KDM4D: variants seen among roughly 807,000 people sequenced by gnomAD.
The protein encoded by KDM4D is lysine demethylase 4D, also known as lysine-specific demethylase 4D.
For missense variants in KDM4D, 427 were observed against 674.8 expected (o/e 0.63, Z 4.07); for synonymous variants, 254 against 249.1 (o/e 1.02, Z -0.19).
intron 2 of KDM4D, among the ~76,000 whole-genome samples, chr11:94,977,427 A>G (rs782464650): frequency 1.9e-4 from 29 of 150,972 alleles, no homozygotes; most frequent in Middle Eastern, 3.4e-3. Context: ...TTTCATGGCT[A>G]CCTCCTTCAT....
At chr11:94,988,751 C>CTG (rs1214161839) in intron 2 of KDM4D, among the ~76,000 whole-genome samples, 1 of 152,172 alleles carries the variant, frequency 6.6e-6, no homozygotes, top group Non-Finnish European at 1.5e-5. Flanking sequence ...GCTGAAGATT[C>CTG]TGTGAGCTAC....
At chr11:94,981,110 T>C (rs1027097994) in intron 2 of KDM4D, among the ~76,000 whole-genome samples, 3 of 152,140 alleles carry the variant, frequency 2.0e-5, no homozygotes, top group Non-Finnish European at 4.4e-5. Context: ...GAATGATGAA[T>C]TGATGAATTT....
chr11:94,986,014 C>A (rs904784832), intron 2 of KDM4D, among the ~76,000 whole-genome samples: 5 of 152,072 alleles, frequency 3.3e-5, no homozygotes. Context: ...AGACACAAAG[C>A]CAAAAGCACA....
chr11:94,997,727 G>C lies in KDM4D; in HGVS notation c.355G>C (p.Glu119Gln). Residue 119 changes from glutamate to glutamine, a missense_variant, in exon 3 of 3, where the codon GAA becomes CAA. Physicochemically the swap from Glu to Gln is conservative, Grantham distance 29. Transcript: ENST00000335080. Reference protein sequence around the residue: ...KYQTPPHQNFEDLERKYWKNR... With the variant: ...KYQTPPHQNFQDLERKYWKNR... ...TCAGACTCCACCACACCAGAATTTC[G>C]AAGATTTGGAGCGAAAATACTGGAA... The C allele has an allele frequency of 6.2e-7, 1 of 1,614,240 alleles. No homozygotes were observed. The highest frequency in any genetic ancestry group is 8.5e-7 in the Non-Finnish European group (1 of 1,180,044).
intron 2 of KDM4D, among the ~76,000 whole-genome samples, chr11:94,993,907 A>G (rs963776186): frequency 3.3e-5 from 5 of 152,148 alleles, no homozygotes; most frequent in African/African-American, 4.8e-5. Context: ...CCAAAAATAT[A>G]AAGAATTTAT....
In KDM4D at chr11:94,998,981, T is replaced by G. The variant is rs782192776; in HGVS notation, c.*37T>G. 1 of 1,468,520 alleles carries G rather than the reference T, an allele frequency of 6.8e-7. No individual in the cohort carries two copies. Among genetic ancestry groups the G allele is most frequent in the Non-Finnish European group, 9.0e-7 (1 of 1,107,844 alleles). The allele number at this position is 1,468,520 out of a possible 1,614,324, so 91.0% of individuals were successfully genotyped here. Reference sequence around the variant, plus strand: ...GTCTTTATATCCCACTGCCCTGCTGTGTGACAGTTTGATGAAACTGGTTAC... The same window carrying G: ...GTCTTTATATCCCACTGCCCTGCTGGGTGACAGTTTGATGAAACTGGTTAC... On this transcript the variant is annotated 3_prime_UTR_variant, in exon 3 of 3. Coordinates refer to ENST00000335080, the MANE Select transcript of KDM4D (RefSeq NM_018039.3). The surrounding 1 kb of genome is among the most constrained non-coding windows in gnomAD (Gnocchi z 6.7).
Position 94,997,505 on chromosome 11 carries a change from A to T in KDM4D, c.133A>T (p.Arg45Ter). ...IAYMESQGAH[R>*]AGLAKIIPPK... The stretch of plus-strand genomic sequence containing the variant: ...TTACATGGAATCCCAAGGTGCACAC[A>T]GAGCTGGCTTGGCTAAGATAATTCC... The change falls in exon 3 of 3, where the codon AGA becomes TGA. Residue 45 changes from arginine to a stop codon, truncating the protein, a stop_gained. Coordinates refer to ENST00000335080, the MANE Select transcript of KDM4D (RefSeq NM_018039.3). LOFTEE classifies it low-confidence loss of function (END_TRUNC). 6.2e-7 allele frequency: 1 copy of T among 1,614,242 alleles called. No individual in the cohort carries two copies. Among genetic ancestry groups the T allele is most frequent in the Non-Finnish European group, 8.5e-7 (1 of 1,180,042 alleles).
chr11:94,982,306 G>A (rs1857848108), intron 2 of KDM4D, among the ~76,000 whole-genome samples: 1 of 151,780 alleles, frequency 6.6e-6, no homozygotes, highest in Non-Finnish European at 1.5e-5. Context: ...AATTTTATAT[G>A]ACTATTGCTT....
intron 2 of KDM4D, among the ~76,000 whole-genome samples, chr11:94,995,722 A>G (rs188151221): frequency 1.9e-4 from 29 of 152,344 alleles, no homozygotes; most frequent in African/African-American, 5.8e-4. Context: ...GTGTCCTAAC[A>G]GGACTATTTG....
intron 2 of KDM4D, among the ~76,000 whole-genome samples, chr11:94,985,059 G>A (rs1857873675): frequency 1.3e-5 from 2 of 152,150 alleles, no homozygotes; most frequent in Non-Finnish European, 2.9e-5. Context: ...TGTAGCAGGA[G>A]CAAGATTTTT....
chr11:94,995,463 C>T (rs1033622113), intron 2 of KDM4D, among the ~76,000 whole-genome samples: 1 of 151,980 alleles, frequency 6.6e-6, no homozygotes, highest in Non-Finnish European at 1.5e-5. Flanking sequence ...TTTGTTGGGA[C>T]AGTAAAGGAA....
chr11:94,991,842 G>A (rs1401631817), intron 2 of KDM4D, among the ~76,000 whole-genome samples: 1 of 150,996 alleles, frequency 6.6e-6, no homozygotes. Context: ...CTTCATTTTT[G>A]AGATGGATAA....
intron 2 of KDM4D, among the ~76,000 whole-genome samples, chr11:94,995,976 G>T (rs1857972761): frequency 6.6e-6 from 1 of 152,098 alleles, no homozygotes; most frequent in Admixed American, 6.6e-5. Context: ...TCCATGTAGG[G>T]CTGATACCAG....
intron 2 of KDM4D, among the ~76,000 whole-genome samples, chr11:94,979,537 T>A (rs953238757): frequency 1.3e-5 from 2 of 152,292 alleles, no homozygotes; most frequent in East Asian, 1.9e-4. Flanking sequence ...GCCCAATGTG[T>A]GCATTTCTAA....
Position 94,997,510 on chromosome 11 carries a change from T to C in KDM4D, c.138T>C (p.Ala46=). 1 of 1,614,194 alleles carries C rather than the reference T, an allele frequency of 6.2e-7. No individual in the cohort carries two copies. The highest frequency in any genetic ancestry group is 8.5e-7 in the Non-Finnish European group (1 of 1,180,028). Residue 46 remains alanine (A), a synonymous_variant, in exon 3 of 3, where the codon GCT becomes GCC. Coordinates refer to ENST00000335080, the MANE Select transcript of KDM4D (RefSeq NM_018039.3). ...TGGAATCCCAAGGTGCACACAGAGC[T>C]GGCTTGGCTAAGATAATTCCACCCA... is the stretch of plus-strand genomic sequence containing the variant. ...AYMESQGAHR[A]GLAKIIPPKE...
chr11:94,986,487 T>A (rs1391317655), intron 2 of KDM4D, among the ~76,000 whole-genome samples: 1 of 151,986 alleles, frequency 6.6e-6, no homozygotes, highest in Non-Finnish European at 1.5e-5. Context: ...TGCCAGCTAC[T>A]TGGGAGGCTG....
At chr11:94,991,472 G>A (rs933922678) in intron 2 of KDM4D, among the ~76,000 whole-genome samples, 9 of 152,076 alleles carry the variant, frequency 5.9e-5, no homozygotes, top group Non-Finnish European at 1.0e-4. Context: ...TATTTCTAGA[G>A]AGGTAAAAGA....
intron 1 of KDM4D, among the ~76,000 whole-genome samples, chr11:94,974,793 C>T (rs1857782333): frequency 6.6e-6 from 1 of 152,236 alleles, no homozygotes; most frequent in African/African-American, 2.4e-5. Flanking sequence ...TCTACTGCCA[C>T]TACCCTTGCC....
intron 2 of KDM4D, among the ~76,000 whole-genome samples, chr11:94,996,625 T>C (rs1857977691): frequency 6.6e-6 from 1 of 152,228 alleles, no homozygotes. Flanking sequence ...TATACTGCAG[T>C]GTACTTATTC....
Sources: allele counts gnomAD v4.1 joint callset (sites outside exome capture counted in the v4.1 genomes callset), GRCh38; gene constraint gnomAD v4.1.1; non-coding constraint Gnocchi (gnomAD v3.1); transcripts MANE v1.5; gene names NCBI Gene and HGNC (gene_info 2026-07-23, HGNC 2026-07-21).